The following SRRM2 variants were observed in gnomAD, a reference collection of about 807,000 sequenced individuals.
SRRM2 encodes serine/arginine repetitive matrix protein 2.
Under a neutral mutation model 213.8 loss-of-function variants are expected in SRRM2, and 30 were observed. The ratio of observed to expected loss-of-function variants is 0.14; its 90% confidence interval spans 0.10 to 0.19. The LOEUF is 0.19. Among genes scored for constraint, SRRM2 ranks in the 10% least tolerant of loss-of-function variants. The pLI is 1.00. For synonymous variants in SRRM2, 2,025 were observed against 1,377.7 expected (o/e 1.47, Z -10.40); for missense variants, 4,904 against 3,647.0 (o/e 1.34, Z -8.88).
In SRRM2 at chr16:2,763,674, A is replaced by G. The variant is rs2068442264; in HGVS notation, c.3146A>G (p.Tyr1049Cys). 9 of 1,614,192 alleles carry G rather than the reference A, an allele frequency of 5.6e-6. No individual in the cohort carries two copies. Among genetic ancestry groups the G allele is most frequent in the African/African-American group, 2.7e-5 (2 of 75,056 alleles). Reference sequence around the variant, plus strand: ...TCTAGCACACCACCAGGCGAGAGCTATTTTGGTGTCTCATCTCTGCAACTG... The same window carrying G: ...TCTAGCACACCACCAGGCGAGAGCTGTTTTGGTGTCTCATCTCTGCAACTG... ...VKSSTPPGES[Y>C]FGVSSLQLKG... is the part of the protein sequence containing the mutation. The change falls in exon 11 of 15, where the codon TAT becomes TGT. Residue 1049 changes from tyrosine (Y) to cysteine (C), a missense_variant. By Grantham distance (194) the Tyr-to-Cys change is radical. Transcript: ENST00000301740.
At position 2,765,621 on chromosome 16, in the gene SRRM2, C is replaced by T. The variant is rs1405797982; in HGVS notation, c.5093C>T (p.Thr1698Ile). ...RRSSRSSPEL[T>I]RKARLSRRSR... Reference sequence around the variant, plus strand: ...AGCTCTCGATCATCTCCGGAGCTAACAAGGAAGGCCAGACTGTCCCGTAGA... The same window carrying T: ...AGCTCTCGATCATCTCCGGAGCTAATAAGGAAGGCCAGACTGTCCCGTAGA... The change falls in exon 11 of 15, where the codon ACA becomes ATA. Residue 1698 changes from threonine (T) to isoleucine (I), a missense_variant. Coordinates refer to ENST00000301740, the MANE Select transcript of SRRM2 (RefSeq NM_016333.4). The T allele has an allele frequency of 6.2e-7, 1 of 1,614,180 alleles. No individual in the cohort carries two copies. The highest frequency in any genetic ancestry group is 2.2e-5 in the East Asian group (1 of 44,886).
intron 12 of SRRM2, chr16:2,769,637 T>TGTCTCCCC (rs1351128756): frequency 5.3e-6 from 3 of 568,188 alleles, no homozygotes; most frequent in African/African-American, 3.7e-5. Flanking sequence ...GCCTCCTCCC[T>TGTCTCCCC]GTCTCCCCGT....
chr16:2,761,667 C>T lies in SRRM2; in HGVS notation c.1139C>T (p.Pro380Leu). 6.3e-7 allele frequency: 1 copy of T among 1,595,058 alleles called. No individual in the cohort carries two copies. Among genetic ancestry groups the T allele is most frequent in the Non-Finnish European group, 8.5e-7 (1 of 1,171,036 alleles). ...GAGCGACATGGCGGCTCCCCACAAC[C>T]CCTTGCAACCACCCCCTTAAGCCAG... ...LAERHGGSPQ[P>L]LATTPLSQEP... Residue 380 changes from proline to leucine, a missense_variant, in exon 11 of 15, where the codon CCC becomes CTC. Pro to Leu is a moderately conservative substitution (Grantham distance 98). Transcript: ENST00000301740.
At chr16:2,770,819 G>C in intron 14 of SRRM2, 39 bp from the exon 15 acceptor site, 1 of 1,613,830 alleles carries the variant, frequency 6.2e-7, no homozygotes, top group Non-Finnish European at 8.5e-7. Flanking sequence ...TTGAGGGCTG[G>C]GGTGGGAACT....
chr16:2,761,340 T>G (rs976092890), intron 10 of SRRM2, among the ~76,000 whole-genome samples: 2 of 152,240 alleles, frequency 1.3e-5, no homozygotes, highest in African/African-American at 4.8e-5. Flanking sequence ...GTTATTTGCA[T>G]TTTGTGTTTC....
Position 2,762,758 on chromosome 16 carries a change from A to G in SRRM2, c.2230A>G (p.Asn744Asp), listed in dbSNP as rs772472742. ...AACATCTCAAAGAAGAAGCAGGTCC[A>G]ATTCAAGCCCAGAAATGAAGAAATC... ...SRTSQRRSRS[N>D]SSPEMKKSRI... is the part of the protein sequence containing the mutation. Residue 744 changes from asparagine (N) to aspartate (D), a missense_variant, in exon 11 of 15, where the codon AAT becomes GAT. Transcript: ENST00000301740. 8 of 1,614,226 alleles carry G rather than the reference A, an allele frequency of 5.0e-6. 1 individual carries two copies. The highest frequency in any genetic ancestry group is 4.4e-5 in the South Asian group (4 of 91,084).
Position 2,770,842 on chromosome 16 carries a change from A to C in SRRM2, c.8250-16A>C, listed in dbSNP as rs373643815. On this transcript the variant is annotated splice_polypyrimidine_tract_variant and intron_variant, in intron 14 of 14. Transcript: ENST00000301740. ...TGGGGTGGGAACTCCCTGTTGACCC[A>C]TATCTTCTCTTGCAGGTCTCCATAA... The C allele has an allele frequency of 7.4e-6, 12 of 1,613,970 alleles. No homozygotes were observed. Among genetic ancestry groups the C allele is most frequent in the Non-Finnish European group, 1.0e-5 (12 of 1,179,986 alleles).
chr16:2,767,183 A>T lies in SRRM2; in HGVS notation c.6655A>T (p.Ser2219Cys), dbSNP rs1204638365. ...SQVPAPVPLMSLRTAPAANLA... is the reference protein window; with the variant it reads ...SQVPAPVPLMCLRTAPAANLA... ...GGTTCCAGCCCCGGTGCCTCTCATG[A>T]GTCTCAGAACCGCACCAGCAGCCAA... Residue 2219 changes from serine (S) to cysteine (C), a missense_variant, in exon 11 of 15, where the codon AGT (serine) becomes TGT (cysteine). Coordinates refer to ENST00000301740, the MANE Select transcript of SRRM2 (RefSeq NM_016333.4). 1 of 1,614,116 alleles carries T rather than the reference A, an allele frequency of 6.2e-7. No homozygotes were observed.
At chr16:2,759,761 A>G (rs2068273680) in intron 9 of SRRM2, 100 bp downstream of exon 9, 5 of 1,096,122 alleles carry the variant, frequency 4.6e-6, no homozygotes, top group Non-Finnish European at 6.7e-6. Flanking sequence ...TGCACAGACC[A>G]TTCGGAAGAC....
At position 2,752,685 on chromosome 16, in the gene SRRM2, G is replaced by A; in HGVS notation, c.-193G>A. The A allele has an allele frequency of 6.3e-6, 2 of 315,304 alleles. No individual in the cohort carries two copies. Among genetic ancestry groups the A allele is most frequent in the South Asian group, 2.2e-5 (1 of 46,254 alleles). The allele number at this position is 315,304 out of a possible 1,614,324, so 19.5% of individuals were successfully genotyped here. A position where few individuals can be genotyped will look rare whatever the true frequency, so the allele number is the denominator to read the frequency against. On this transcript the variant is annotated 5_prime_UTR_variant, in exon 1 of 15. Coordinates refer to ENST00000301740, the MANE Select transcript of SRRM2 (RefSeq NM_016333.4). ...AGGCGGGGTGCGAGTGGCGCAGTTG[G>A]AGCCCGTTGCGGCCCCTGAGGAAGC...
In SRRM2 at chr16:2,759,341, T is replaced by C. The variant is rs544572991; in HGVS notation, c.690-11T>C. On this transcript the variant is annotated splice_polypyrimidine_tract_variant and intron_variant, in intron 7 of 14. Transcript: ENST00000301740. ...AGAAGTTACTTTTAACAACCTTTCCTTATTTCCCAGGTCTCCCACTCCAAA... is the reference window on the plus strand; with the variant it reads ...AGAAGTTACTTTTAACAACCTTTCCCTATTTCCCAGGTCTCCCACTCCAAA... The C allele has an allele frequency of 6.2e-7, 1 of 1,606,814 alleles. No homozygotes were observed. Among genetic ancestry groups the C allele is most frequent in the Non-Finnish European group, 8.5e-7 (1 of 1,178,144 alleles).
At position 2,765,066 on chromosome 16, in the gene SRRM2, A is replaced by G. The variant is rs746386038; in HGVS notation, c.4538A>G (p.Gln1513Arg). 12 of 1,614,094 alleles carry G rather than the reference A, an allele frequency of 7.4e-6. No homozygotes were observed. In the South Asian group the frequency reaches 1.3e-4, roughly 18 times the overall value. The change falls in exon 11 of 15, where the codon CAG (glutamine) becomes CGG (arginine). Residue 1513 changes from glutamine (Q) to arginine (R), a missense_variant. By Grantham distance (43) the Gln-to-Arg change is conservative (BLOSUM62 1). Coordinates refer to ENST00000301740, the MANE Select transcript of SRRM2 (RefSeq NM_016333.4). ...CTCAACAACAAGTGTCTTACCCCCCAGAGAGAAAGAAGCGGGTCAGAATCA... is the reference window on the plus strand; with the variant it reads ...CTCAACAACAAGTGTCTTACCCCCCGGAGAGAAAGAAGCGGGTCAGAATCA... ...PELNNKCLTP[Q>R]RERSGSESSV...
At chr16:2,768,446 A>T (rs1596293430) in intron 11 of SRRM2, 185 bp downstream of exon 11, 1 of 688,174 alleles carries the variant, frequency 1.5e-6, no homozygotes, top group East Asian at 2.7e-5. Flanking sequence ...AATGGGACAG[A>T]TAAAAGTCTC....
Position 2,763,770 on chromosome 16 carries a change from C to T in SRRM2, c.3242C>T (p.Ser1081Leu), listed in dbSNP as rs1305107815. 2.7e-5 allele frequency: 44 copies of T among 1,614,080 alleles called. No homozygotes were observed. Among genetic ancestry groups the T allele is most frequent in the Non-Finnish European group, 3.5e-5 (41 of 1,180,060 alleles). The change falls in exon 11 of 15, where the codon TCA becomes TTA. Residue 1081 changes from serine to leucine, a missense_variant. Coordinates refer to ENST00000301740, the MANE Select transcript of SRRM2 (RefSeq NM_016333.4). Reference protein sequence around the residue: ...TSSPEVRQSHSESPSLQSKSQ... With the variant: ...TSSPEVRQSHLESPSLQSKSQ... Reference sequence around the variant, plus strand: ...AGTCCAGAAGTGAGACAGAGTCATTCAGAATCACCATCTCTGCAGAGCAAA... The same window carrying T: ...AGTCCAGAAGTGAGACAGAGTCATTTAGAATCACCATCTCTGCAGAGCAAA...
chr16:2,769,598 A>G lies in SRRM2; in HGVS notation c.8021+314A>G, dbSNP rs1053098234. On this transcript the variant is annotated intron_variant, in intron 12 of 14. Coordinates refer to ENST00000301740, the MANE Select transcript of SRRM2 (RefSeq NM_016333.4). ...CTACTGCCAGGGCTCTGGTCTGGCCACCATCATCTTCTCCCGACTCTGTCC... is the reference window on the plus strand; with the variant it reads ...CTACTGCCAGGGCTCTGGTCTGGCCGCCATCATCTTCTCCCGACTCTGTCC... 2.4e-5 allele frequency: 15 copies of G among 627,664 alleles called. No homozygotes were observed. The East Asian group carries it at 3.6e-4, about 15-fold the overall frequency. The allele number at this position is 627,664 out of a possible 1,614,324, so 38.9% of individuals were successfully genotyped here. A position where few individuals can be genotyped will look rare whatever the true frequency, so the allele number is the denominator to read the frequency against.
chr16:2,763,272 C>T lies in SRRM2; in HGVS notation c.2744C>T (p.Pro915Leu), dbSNP rs781441098. 1.2e-5 allele frequency: 19 copies of T among 1,614,010 alleles called. No individual in the cohort carries two copies. In the East Asian group the frequency reaches 2.5e-4, roughly 21 times the overall value. Residue 915 changes from proline (P) to leucine (L), a missense_variant, in exon 11 of 15, where the codon CCA becomes CTA. Physicochemically the swap from Pro to Leu is moderately conservative, Grantham distance 98. Coordinates refer to ENST00000301740, the MANE Select transcript of SRRM2 (RefSeq NM_016333.4). ...PRQSPSRSSS[P>L]QPKVKAIISP... is the part of the protein sequence containing the mutation. Reference sequence around the variant, plus strand: ...CAGAGCCCATCTAGGTCATCATCTCCACAACCCAAAGTGAAGGCAATAATA... The same window carrying T: ...CAGAGCCCATCTAGGTCATCATCTCTACAACCCAAAGTGAAGGCAATAATA...
rs1173122145 is a variant in SRRM2, at chr16:2,760,491, A to G, written c.1024A>G (p.Lys342Glu). The G allele has an allele frequency of 1.8e-5, 29 of 1,614,050 alleles. No homozygotes were observed. Among genetic ancestry groups the G allele is most frequent in the Non-Finnish European group, 2.5e-5 (29 of 1,180,028 alleles). Reference sequence around the variant, plus strand: ...CCCTTATGAAGACAAAGATAAAGACAAGAAGGAGGTATGTTCCTGAGTTGG... The same window carrying G: ...CCCTTATGAAGACAAAGATAAAGACGAGAAGGAGGTATGTTCCTGAGTTGG... Reference protein sequence around the residue: ...SSPYEDKDKDKKEKSATRPSP... With the variant: ...SSPYEDKDKDEKEKSATRPSP... The change falls in exon 10 of 15, where the codon AAG (lysine) becomes GAG (glutamate). Residue 342 changes from lysine to glutamate, a missense_variant. Coordinates refer to ENST00000301740, the MANE Select transcript of SRRM2 (RefSeq NM_016333.4).
intron 10 of SRRM2, 190 bp downstream of exon 10, chr16:2,760,689 C>A: frequency 1.6e-6 from 1 of 616,184 alleles, no homozygotes; most frequent in South Asian, 2.1e-5. Flanking sequence ...AATTGTGAAC[C>A]CTTTAGAATC....
chr16:2,756,646 G>A (rs147691493), intron 2 of SRRM2, 40 bp downstream of exon 2: 203 of 1,578,188 alleles, frequency 1.3e-4, no homozygotes, highest in Middle Eastern at 8.5e-4. Flanking sequence ...CTGAATGAGT[G>A]CAGAGCTGGG....
Sources: allele counts gnomAD v4.1 joint callset (sites outside exome capture counted in the v4.1 genomes callset), GRCh38; gene constraint gnomAD v4.1.1; transcripts MANE v1.5; gene names NCBI Gene and HGNC (gene_info 2026-07-23, HGNC 2026-07-21).